Variants in IRS1 observed in about 807,000 individuals in gnomAD.
IRS1 encodes insulin receptor substrate 1.
In IRS1, 34 loss-of-function variants were observed where a neutral mutation model predicts 65.6. That is an observed-to-expected ratio of 0.52 (90% CI 0.39 to 0.69). IRS1 has a LOEUF of 0.69. Among genes scored for constraint, IRS1 ranks in the 30% least tolerant of loss-of-function variants. The probability of loss-of-function intolerance (pLI) is 0.00; values close to 1 mark genes in which losing one functional copy is unlikely to be tolerated. For synonymous variants in IRS1, 699 were observed against 683.5 expected, an observed-to-expected ratio of 1.02 and a Z score of -0.35; for missense variants, 1,641 against 1,720.2, an observed-to-expected ratio of 0.95 and a Z score of 0.81.
Position 226,796,718 on chromosome 2 carries a change from T to A in IRS1, c.2021A>T (p.Asp674Val). The change falls in exon 1 of 2, where the codon GAC becomes GTC. Residue 674 changes from aspartate (D) to valine (V), a missense_variant. Asp to Val is a radical substitution (Grantham distance 152). Coordinates refer to ENST00000305123, the MANE Select transcript of IRS1 (RefSeq NM_005544.3). ...MMSPSGGCSP[D>V]IGGGPSSSSS... The stretch of plus-strand genomic sequence containing the variant: ...GCTGCTGCTGGGGCCACCTCCAATG[T>A]CAGGAGAGCAGCCACCGCTGGGGGA... 6.2e-7 allele frequency: 1 copy of A among 1,613,316 alleles called. No homozygotes were observed. The highest frequency in any genetic ancestry group is 1.1e-5 in the South Asian group (1 of 91,046).
chr2:226,792,342 C>T (rs1355217603), intron 1 of IRS1: 1 of 152,002 alleles, frequency 6.6e-6, no homozygotes, highest in Admixed American at 6.5e-5. Flanking sequence ...CTTGGGCTCT[C>T]AATTTACTCT....
intron 1 of IRS1, among the ~76,000 whole-genome samples, chr2:226,739,289 G>T (rs963619675): frequency 2.0e-5 from 3 of 152,194 alleles, no homozygotes; most frequent in African/African-American, 7.2e-5. Flanking sequence ...GTGTGTATCT[G>T]TGTAGGCACA....
chr2:226,782,180 T>C (rs997620878), intron 1 of IRS1, among the ~76,000 whole-genome samples: 1 of 152,178 alleles, frequency 6.6e-6, no homozygotes, highest in East Asian at 1.9e-4. Context: ...AAGATCACAA[T>C]ATAAATACCA....
chr2:226,782,596 C>G (rs1010081313), intron 1 of IRS1, among the ~76,000 whole-genome samples: 1 of 152,180 alleles, frequency 6.6e-6, no homozygotes, highest in African/African-American at 2.4e-5. Context: ...TGGGGACAAG[C>G]AGTAAGTCAT....
chr2:226,798,989 G>A lies in IRS1; in HGVS notation c.-251C>T. 1.4e-6 allele frequency: 2 copies of A among 1,437,514 alleles called. No individual in the cohort carries two copies. Among genetic ancestry groups the A allele is most frequent in the Non-Finnish European group, 1.8e-6 (2 of 1,093,350 alleles). 89.0% of individuals were successfully genotyped at this position (1,437,514 alleles called of 1,614,324 possible). A position where few individuals can be genotyped will look rare whatever the true frequency, so the allele number is the denominator to read the frequency against. On this transcript the variant is annotated 5_prime_UTR_variant, in exon 1 of 2. Coordinates refer to ENST00000305123, the MANE Select transcript of IRS1 (RefSeq NM_005544.3). The surrounding 1 kb of genome is among the most constrained non-coding windows in gnomAD (Gnocchi z 9.4). ...CGCCCGGCGGGGAGGCAGTGCGTCC[G>A]GGGTGAGGGCAGCCCCGATCCTCCG... is the stretch of plus-strand genomic sequence containing the variant.
chr2:226,796,577 C>G lies in IRS1; in HGVS notation c.2162G>C (p.Ser721Thr), dbSNP rs754509651. 1.2e-6 allele frequency: 2 copies of G among 1,613,964 alleles called. No individual in the cohort carries two copies. The highest frequency in any genetic ancestry group is 1.7e-5 in the Admixed American group (1 of 60,030). The change falls in exon 1 of 2, where the codon AGC becomes ACC. Residue 721 changes from serine (S) to threonine (T), a missense_variant. Transcript: ENST00000305123. The stretch of plus-strand genomic sequence containing the variant: ...TGTGCAAGGTAAGAGCTTACCACCG[C>G]TGCTCTCCACTGGGGGTTTGGGGTG... ...LPHPKPPVESSGGKLLPCTGD... is the reference protein window; with the variant it reads ...LPHPKPPVESTGGKLLPCTGD...
intron 1 of IRS1, among the ~76,000 whole-genome samples, chr2:226,791,678 C>G (rs533824136): frequency 6.6e-6 from 1 of 152,020 alleles, no homozygotes; most frequent in South Asian, 2.1e-4. Context: ...GAGAGCCCCG[C>G]CCCGCGCCCG....
In IRS1 at chr2:226,732,485, T is replaced by TACAC. The variant is rs1391393042; in HGVS notation, c.*3786_*3787insGTGT. 7 of 148,712 alleles carry TACAC rather than the reference T, an allele frequency of 4.7e-5. No homozygotes were observed. The highest frequency in any genetic ancestry group is 1.7e-4 in the African/African-American group (7 of 40,542). 9.2% of individuals were successfully genotyped at this position (148,712 alleles called of 1,614,324 possible). On this transcript the variant is annotated 3_prime_UTR_variant, in exon 2 of 2. Transcript: ENST00000305123. ...CTATACATCTATATATATATATATA[T>TACAC]ATATATACACACACACACATATGTG... is the stretch of plus-strand genomic sequence containing the variant.
chr2:226,795,995 A>C lies in IRS1; in HGVS notation c.2744T>G (p.Phe915Cys), dbSNP rs775881702. 1 of 1,614,182 alleles carries C rather than the reference A, an allele frequency of 6.2e-7. No homozygotes were observed. Among genetic ancestry groups the C allele is most frequent in the Non-Finnish European group, 8.5e-7 (1 of 1,180,042 alleles). Reference sequence around the variant, plus strand: ...ACACCTGACAGAAGGTGAGCTGTGGAAAGCCACCGGGCCAGACAAGTAGCC... The same window carrying C: ...ACACCTGACAGAAGGTGAGCTGTGGCAAGCCACCGGGCCAGACAAGTAGCC... ...QSGYLSGPVAFHSSPSVRCPS... is the reference protein window; with the variant it reads ...QSGYLSGPVACHSSPSVRCPS... The change falls in exon 1 of 2, where the codon TTC (phenylalanine) becomes TGC (cysteine). Residue 915 changes from phenylalanine to cysteine, a missense_variant. By Grantham distance (205) the Phe-to-Cys change is radical. This residue lies in a region of IRS1 where 1,324 missense variants were observed against 1,361.0 expected (regional missense o/e 0.97). Transcript: ENST00000305123.
intron 1 of IRS1, among the ~76,000 whole-genome samples, chr2:226,777,416 C>T (rs749869343): frequency 8.5e-5 from 13 of 152,122 alleles, no homozygotes; most frequent in Admixed American, 2.6e-4. Flanking sequence ...ATTTTCAAAC[C>T]TATTTAAAGT....
intron 1 of IRS1, among the ~76,000 whole-genome samples, chr2:226,770,664 GACAAAGCATTTT>G (rs1424193288): frequency 6.6e-6 from 1 of 152,160 alleles, no homozygotes; most frequent in Non-Finnish European, 1.5e-5. Flanking sequence ...ATACAAAACA[GACAAAGCATTTT>G]ACACATGTAC....
At chr2:226,781,576 C>T (rs1238169293) in intron 1 of IRS1, among the ~76,000 whole-genome samples, 1 of 152,072 alleles carries the variant, frequency 6.6e-6, no homozygotes. Context: ...ACTAATACAG[C>T]GTGGTGGGAA....
chr2:226,795,607 C>T lies in IRS1; in HGVS notation c.3132G>A (p.Pro1044=), dbSNP rs773858412. ...GCTCTGCTGCCCCTTGAGGCCCAGT[C>T]GGGGAAGCAGAGGCTGCTGAGGATG... ...ASSSSAASAS[P]TGPQGAAELA... is the part of the protein sequence containing the mutation. The change falls in exon 1 of 2, where the codon CCG becomes CCA. Residue 1044 remains proline (P), a synonymous_variant. Coordinates refer to ENST00000305123, the MANE Select transcript of IRS1 (RefSeq NM_005544.3). 1.2e-5 allele frequency: 19 copies of T among 1,612,312 alleles called. No homozygotes were observed. The East Asian group carries it at 2.5e-4, about 21-fold the overall frequency.
chr2:226,750,016 G>A (rs1055294565), intron 1 of IRS1, among the ~76,000 whole-genome samples: 6 of 152,078 alleles, frequency 3.9e-5, no homozygotes, highest in South Asian at 2.1e-4. Flanking sequence ...TTGGGAGGCC[G>A]AGGCGGGTGG....
chr2:226,796,180 G>T lies in IRS1; in HGVS notation c.2559C>A (p.Ser853Arg). ...ACAGCCTCGTGGGCCGGGCCAGGCG[G>T]CTATTGGTCTGAGCAGCTGTGTCCA... ...RKVDTAAQTN[S>R]RLARPTRLSL... is the part of the protein sequence containing the mutation. Residue 853 changes from serine (S) to arginine (R), a missense_variant, in exon 1 of 2, where the codon AGC (serine) becomes AGA (arginine). By Grantham distance (110) the Ser-to-Arg change is moderately radical. Coordinates refer to ENST00000305123, the MANE Select transcript of IRS1 (RefSeq NM_005544.3). The T allele has an allele frequency of 6.2e-7, 1 of 1,613,722 alleles. No individual in the cohort carries two copies. The highest frequency in any genetic ancestry group is 8.5e-7 in the Non-Finnish European group (1 of 1,180,010).
At chr2:226,755,323 T>C (rs59711674) in intron 1 of IRS1, among the ~76,000 whole-genome samples, 1 of 152,314 alleles carries the variant, frequency 6.6e-6, no homozygotes, top group East Asian at 1.9e-4. Context: ...ATCCACTTTT[T>C]AAAAATATTC....
chr2:226,789,605 T>C (rs1343573580), intron 1 of IRS1, among the ~76,000 whole-genome samples: 1 of 152,200 alleles, frequency 6.6e-6, no homozygotes, highest in Non-Finnish European at 1.5e-5. Context: ...AGACACATTA[T>C]CCACAAACAC....
Position 226,731,580 on chromosome 2 carries a change from C to G in IRS1, c.*4692G>C, listed in dbSNP as rs1938222047. The G allele has an allele frequency of 6.6e-6, 1 of 152,052 alleles. No homozygotes were observed. Among genetic ancestry groups the G allele is most frequent in the Non-Finnish European group, 1.5e-5 (1 of 68,002 alleles). 9.4% of individuals were successfully genotyped at this position (152,052 alleles called of 1,614,324 possible). ...GCACCCATTACATATATACATAATA[C>G]ATGTTATAAACATATATACAGTAAA... On this transcript the variant is annotated 3_prime_UTR_variant, in exon 2 of 2. Coordinates refer to ENST00000305123, the MANE Select transcript of IRS1 (RefSeq NM_005544.3).
At chr2:226,791,916 G>A (rs1574662065) in intron 1 of IRS1, among the ~76,000 whole-genome samples, 1 of 152,244 alleles carries the variant, frequency 6.6e-6, no homozygotes, top group East Asian at 1.9e-4. Flanking sequence ...CCCCACCCCG[G>A]GCGAAAGGGG....
Sources: allele counts gnomAD v4.1 joint callset (sites outside exome capture counted in the v4.1 genomes callset), GRCh38; gene constraint gnomAD v4.1.1; regional missense constraint gnomAD v4.1.1; non-coding constraint Gnocchi (gnomAD v3.1); transcripts MANE v1.5; gene names NCBI Gene and HGNC (gene_info 2026-07-23, HGNC 2026-07-21).